LRRTM4: variants seen among roughly 807,000 people sequenced by gnomAD.
LRRTM4 encodes the protein leucine-rich repeat transmembrane neuronal protein 4.
LRRTM4 carries 25 observed loss-of-function variants against 47.6 expected under a neutral mutation model. The observed-to-expected ratio is 0.53, with a 90% CI of 0.38 to 0.73. The LOEUF is 0.73. Ranked by LOEUF, LRRTM4 falls within the 30% of genes least tolerant of loss-of-function variation. The pLI is 0.00. For missense variants in LRRTM4, 638 were observed against 713.4 expected (o/e 0.89, Z 1.20); for synonymous variants, 311 against 269.5 (o/e 1.15, Z -1.51).
intron 3 of LRRTM4, among the ~76,000 whole-genome samples, chr2:77,224,407 A>G (rs1558641940): frequency 6.6e-6 from 1 of 152,226 alleles, no homozygotes; most frequent in East Asian, 1.9e-4. Context: ...AGAAACTACC[A>G]TCAGAGCGAA....
At chr2:77,215,241 G>A (rs1262979889) in intron 3 of LRRTM4, among the ~76,000 whole-genome samples, 4 of 152,072 alleles carry the variant, frequency 2.6e-5, no homozygotes, top group East Asian at 3.9e-4. Flanking sequence ...AAAAGAGGAA[G>A]GAAAGAAAAA....
At chr2:77,143,886 A>C (rs547053383) in intron 3 of LRRTM4, among the ~76,000 whole-genome samples, 1 of 152,342 alleles carries the variant, frequency 6.6e-6, no homozygotes, top group South Asian at 2.1e-4. Context: ...TAATTCACAA[A>C]GTTAATGAGT....
At chr2:77,139,910 C>T (rs79435889) in intron 3 of LRRTM4, among the ~76,000 whole-genome samples, 1 of 152,110 alleles carries the variant, frequency 6.6e-6, no homozygotes. Flanking sequence ...AGGAATCCAA[C>T]TTACAAGGGA....
intron 3 of LRRTM4, among the ~76,000 whole-genome samples, chr2:77,451,147 G>C (rs1003171431): frequency 2.6e-5 from 4 of 152,072 alleles, no homozygotes; most frequent in Admixed American, 6.6e-5. Flanking sequence ...CCGAAGACTA[G>C]TTTTTTTCTG....
At chr2:76,910,580 A>C (rs1674018173) in intron 3 of LRRTM4, among the ~76,000 whole-genome samples, 1 of 152,212 alleles carries the variant, frequency 6.6e-6, no homozygotes, top group Admixed American at 6.5e-5. Flanking sequence ...GGATTGATGG[A>C]ATCTTTCCCA....
At chr2:77,281,690 C>T (rs1257905056) in intron 3 of LRRTM4, among the ~76,000 whole-genome samples, 2 of 151,600 alleles carry the variant, frequency 1.3e-5, no homozygotes, top group Admixed American at 1.3e-4. Flanking sequence ...AGTGTTATAT[C>T]CAAATACCTT....
intron 3 of LRRTM4, among the ~76,000 whole-genome samples, chr2:77,007,240 T>TAAGAGAAGA (rs1677689825): frequency 6.6e-6 from 1 of 152,018 alleles, no homozygotes; most frequent in South Asian, 2.1e-4. Context: ...TTCTGTTATC[T>TAAGAGAAGA]AAGAGAAGAA....
At chr2:76,925,193 G>T (rs1674551299) in intron 3 of LRRTM4, among the ~76,000 whole-genome samples, 1 of 152,138 alleles carries the variant, frequency 6.6e-6, no homozygotes, top group Non-Finnish European at 1.5e-5. Context: ...CCCTTTAAAA[G>T]AGGGTAAAAG....
At chr2:77,361,330 C>G (rs943569694) in intron 3 of LRRTM4, among the ~76,000 whole-genome samples, 1 of 151,986 alleles carries the variant, frequency 6.6e-6, no homozygotes, top group African/African-American at 2.4e-5. Flanking sequence ...ATTCTTCCTT[C>G]TCATTTAGGT....
intron 3 of LRRTM4, among the ~76,000 whole-genome samples, chr2:76,959,576 G>A (rs1025311587): frequency 6.6e-6 from 1 of 151,672 alleles, no homozygotes; most frequent in East Asian, 1.9e-4. Context: ...CAAAAGTAAA[G>A]GGATAAAGTA....
intron 3 of LRRTM4, among the ~76,000 whole-genome samples, chr2:77,355,883 A>G (rs1032337430): frequency 1.3e-5 from 2 of 152,182 alleles, no homozygotes; most frequent in African/African-American, 4.8e-5. Context: ...GCTTGAACTC[A>G]GGAGTTTGAG....
intron 3 of LRRTM4, among the ~76,000 whole-genome samples, chr2:77,084,887 G>A (rs56125553): frequency 0.43 from 65,630 of 151,910 alleles, 17,205 homozygotes; most frequent in African/African-American, 0.72. Flanking sequence ...AGAGTTTAAT[G>A]TTTAATAATG....
At chr2:77,069,202 G>A (rs572053718) in intron 3 of LRRTM4, among the ~76,000 whole-genome samples, 46 of 152,054 alleles carry the variant, frequency 3.0e-4, no homozygotes, top group African/African-American at 1.0e-3. Context: ...TTTCTCTAGC[G>A]CCACTGGGTT....
At chr2:77,287,633 C>T (rs1254167217) in intron 3 of LRRTM4, among the ~76,000 whole-genome samples, 1 of 151,954 alleles carries the variant, frequency 6.6e-6, no homozygotes, top group Non-Finnish European at 1.5e-5. Context: ...CTATCCAGTG[C>T]AGGACATGAA....
chr2:77,351,888 G>T (rs1220834831), intron 3 of LRRTM4, among the ~76,000 whole-genome samples: 1 of 152,064 alleles, frequency 6.6e-6, no homozygotes, highest in Non-Finnish European at 1.5e-5. Flanking sequence ...AACAATTACT[G>T]TGAAATGTAT....
intron 3 of LRRTM4, among the ~76,000 whole-genome samples, chr2:77,206,847 G>C (rs745703090): frequency 1.6e-4 from 24 of 151,886 alleles, no homozygotes; most frequent in Non-Finnish European, 3.2e-4. Flanking sequence ...TGATTTTGTT[G>C]ACAGAGCAAT....
At chr2:77,040,051 G>T (rs1346803247) in intron 3 of LRRTM4, among the ~76,000 whole-genome samples, 3 of 151,016 alleles carry the variant, frequency 2.0e-5, no homozygotes, top group Admixed American at 6.6e-5. Flanking sequence ...GTATGTTGTA[G>T]CATTATAAGA....
intron 3 of LRRTM4, among the ~76,000 whole-genome samples, chr2:77,257,320 C>T (rs577473382): frequency 2.9e-4 from 43 of 150,396 alleles, no homozygotes; most frequent in African/African-American, 1.0e-3. Flanking sequence ...AAAAAAAAAA[C>T]CCTCTAGAAT....
intron 3 of LRRTM4, among the ~76,000 whole-genome samples, chr2:76,802,173 A>T (rs1177689218): frequency 6.6e-6 from 1 of 152,040 alleles, no homozygotes; most frequent in East Asian, 1.9e-4. Flanking sequence ...GAGAGGAATA[A>T]ATTGAATTGT....
Sources: gnomAD v4.1 joint callset for allele counts (sites outside exome capture counted in the v4.1 genomes callset) on GRCh38, gnomAD v4.1.1 for gene constraint, MANE v1.5 for transcripts, NCBI Gene and HGNC (gene_info 2026-07-23, HGNC 2026-07-21) for gene names.